Variants in GNAT2 observed in about 807,000 individuals in gnomAD.
GNAT2 encodes the protein guanine nucleotide-binding protein G(t) subunit alpha-2.
A neutral mutation model predicts 40.9 loss-of-function variants in GNAT2; 32 were observed. The observed-to-expected ratio is 0.78, with a 90% CI of 0.59 to 1.05. The LOEUF (loss-of-function observed/expected upper bound fraction) is 1.05. Among genes scored for constraint, GNAT2 ranks in the 50% least tolerant of loss-of-function variants. The probability of loss-of-function intolerance (pLI) is 0.00; values close to 1 mark genes in which losing one functional copy is unlikely to be tolerated. For missense variants in GNAT2, 355 were observed against 431.5 expected, an observed-to-expected ratio of 0.82 and a Z score of 1.57; for synonymous variants, 141 against 157.2, an observed-to-expected ratio of 0.90 and a Z score of 0.77.
chr1:109,615,004 A>G (rs563548075), intron 1 of GNAT2: 3 of 152,360 alleles, frequency 2.0e-5, no homozygotes, highest in African/African-American at 7.2e-5. Context: ...TACTCACAAT[A>G]CTGGTAACTC....
At chr1:109,618,871 G>A (rs1164481878) in intron 1 of GNAT2, among the ~76,000 whole-genome samples, 2 of 152,156 alleles carry the variant, frequency 1.3e-5, no homozygotes, top group Non-Finnish European at 1.5e-5. Context: ...AGAATCCAGC[G>A]TGGGGAGAGA....
intron 4 of GNAT2, 110 bp from the exon 5 acceptor site, chr1:109,608,898 A>G (rs1649705483): frequency 2.4e-6 from 2 of 849,346 alleles, no homozygotes; most frequent in Non-Finnish European, 3.9e-6. Flanking sequence ...AAGACCTAAG[A>G]TGGAAGCAGT....
chr1:109,603,437 C>G lies in GNAT2; in HGVS notation c.982G>C (p.Asp328His), dbSNP rs1649493075. ...AACACAAATTTGACATTCTGTGTAT[C>G]TGTAGCACAGGTCATGTGACTGTAG... The part of the protein sequence containing the change: ...EIYSHMTCAT[D>H]TQNVKFVFDA... The change falls in exon 9 of 9, where the codon GAT becomes CAT. Residue 328 changes from aspartate to histidine, a missense_variant. Physicochemically the swap from Asp to His is moderately conservative, Grantham distance 81. Coordinates refer to ENST00000679935, the MANE Select transcript of GNAT2 (RefSeq NM_001377295.2). 1.3e-6 allele frequency: 2 copies of G among 1,599,022 alleles called. No individual in the cohort carries two copies. Among genetic ancestry groups the G allele is most frequent in the Admixed American group, 1.7e-5 (1 of 59,982 alleles).
At chr1:109,612,730 G>A in intron 2 of GNAT2, 23 bp downstream of exon 2, 1 of 1,384,012 alleles carries the variant, frequency 7.2e-7, no homozygotes, top group African/African-American at 1.4e-5. Context: ...GCCTTCTCTG[G>A]CTCATCTTCC....
rs562449373 is a variant in GNAT2 at position 109,612,886 on chromosome 1, A to C, written c.-16T>G. The C allele has an allele frequency of 2.0e-6, 3 of 1,476,656 alleles. No individual in the cohort carries two copies. The Admixed American group carries it at 5.0e-5, about 25-fold the overall frequency. The allele number at this position is 1,476,656 out of a possible 1,614,324, so 91.5% of individuals were successfully genotyped here. ...CACTTCCCATATTTGCCGTCTTGTCAGCTTTTTCAGGCCCCTAATCCTCTC... is the reference window on the plus strand; with the variant it reads ...CACTTCCCATATTTGCCGTCTTGTCCGCTTTTTCAGGCCCCTAATCCTCTC... On this transcript the variant is annotated 5_prime_UTR_variant, in exon 2 of 9. Transcript: ENST00000679935.
At chr1:109,610,585 G>A in intron 2 of GNAT2, 78 bp from the exon 3 acceptor site, 1 of 1,199,482 alleles carries the variant, frequency 8.3e-7, no homozygotes, top group Non-Finnish European at 1.2e-6. Context: ...GGAGAAGTCA[G>A]AGCCACTGCT....
At chr1:109,611,628 A>AG (rs1649800494) in intron 2 of GNAT2, 1 of 152,056 alleles carries the variant, frequency 6.6e-6, no homozygotes, top group Non-Finnish European at 1.5e-5. Flanking sequence ...CATACCTTCT[A>AG]GTACTGAGTT....
Position 109,612,833 on chromosome 1 carries a change from G to C in GNAT2, c.38C>G (p.Ala13Gly), listed in dbSNP as rs776479555. 1.9e-6 allele frequency: 3 copies of C among 1,613,184 alleles called. No homozygotes were observed. In the African/African-American group the frequency reaches 4.0e-5, roughly 22 times the overall value. ...CTTTTCTAGCTCCTTGGACCTCTTG[G>C]CCAGTTCTTTGTCCTCAGCACTGGC... ...SGASAEDKEL[A>G]KRSKELEKKL... is the part of the protein sequence containing the mutation. Residue 13 changes from alanine (A) to glycine (G), a missense_variant, in exon 2 of 9, where the codon GCC (alanine) becomes GGC (glycine). Coordinates refer to ENST00000679935, the MANE Select transcript of GNAT2 (RefSeq NM_001377295.2).
intron 5 of GNAT2, chr1:109,606,743 G>A (rs975009680): frequency 8.5e-6 from 3 of 353,524 alleles, no homozygotes; most frequent in African/African-American, 6.3e-5. Flanking sequence ...AGATTTAGTG[G>A]GTGCTAAAAG....
In GNAT2 at chr1:109,612,808, C is replaced by T. The variant is rs1179639771; in HGVS notation, c.63G>A (p.Lys21=). The T allele has an allele frequency of 6.2e-7, 1 of 1,613,738 alleles. No homozygotes were observed. The highest frequency in any genetic ancestry group is 8.5e-7 in the Non-Finnish European group (1 of 1,179,642). ...CCTTATCAGCATCCTCCTGCAGCTT[C>T]TTTTCTAGCTCCTTGGACCTCTTGG... ...ELAKRSKELE[K]KLQEDADKEA... Residue 21 remains lysine (K), a synonymous_variant, in exon 2 of 9, where the codon AAG becomes AAA. Coordinates refer to ENST00000679935, the MANE Select transcript of GNAT2 (RefSeq NM_001377295.2).
chr1:109,615,686 A>G (rs1047866171), intron 1 of GNAT2: 1 of 153,582 alleles, frequency 6.5e-6, no homozygotes, highest in African/African-American at 2.4e-5. Context: ...TGGGAGATAG[A>G]GGCATGAGAA....
intron 6 of GNAT2, 22 bp downstream of exon 6, chr1:109,606,286 C>T (rs1012677513): frequency 6.2e-7 from 1 of 1,612,626 alleles, no homozygotes; most frequent in African/African-American, 1.3e-5. Context: ...ATCCGAGATG[C>T]CCTAGGGAAC....
chr1:109,612,801 G>A lies in GNAT2; in HGVS notation c.70C>T (p.Gln24Ter), dbSNP rs1483970857. 1 of 1,612,952 alleles carries A rather than the reference G, an allele frequency of 6.2e-7. No homozygotes were observed. The highest frequency in any genetic ancestry group is 2.2e-5 in the East Asian group (1 of 44,874). ...TTGGCTTCCTTATCAGCATCCTCCT[G>A]CAGCTTCTTTTCTAGCTCCTTGGAC... The part of the protein sequence containing the change: ...KRSKELEKKL[Q>*]EDADKEAKTV... The change falls in exon 2 of 9, where the codon CAG becomes TAG. Residue 24 changes from glutamine (Q) to a stop codon, truncating the protein, a stop_gained. Transcript: ENST00000679935. LOFTEE classifies it high-confidence loss of function.
intron 5 of GNAT2, chr1:109,608,139 A>G: frequency 5.0e-6 from 1 of 200,154 alleles, no homozygotes; most frequent in Non-Finnish European, 1.0e-5. Flanking sequence ...GCATCGTGAC[A>G]TAAGATGCTC....
At chr1:109,607,278 C>T (rs1199943513) in intron 5 of GNAT2, 1 of 151,990 alleles carries the variant, frequency 6.6e-6, no homozygotes, top group Non-Finnish European at 1.5e-5. Flanking sequence ...GGTGAAACCC[C>T]ATCTCTACTA....
chr1:109,609,329 T>A (rs1238937491), intron 4 of GNAT2: 1 of 187,730 alleles, frequency 5.3e-6, no homozygotes, highest in East Asian at 1.3e-4. Flanking sequence ...TTTGTAAATA[T>A]GTGTTATAAA....
At chr1:109,610,376 G>A in intron 3 of GNAT2, 89 bp downstream of exon 3, 1 of 1,359,456 alleles carries the variant, frequency 7.4e-7, no homozygotes, top group Non-Finnish European at 1.1e-6. Context: ...GGCTCCTTGA[G>A]GCTAAAGAGC....
intron 7 of GNAT2, chr1:109,605,555 A>G (rs951277426): frequency 4.8e-5 from 15 of 313,344 alleles, no homozygotes; most frequent in Non-Finnish European, 7.5e-5. Context: ...CCCTTCTATT[A>G]TGTTGCAATG....
At chr1:109,608,571 GAGA>G in intron 5 of GNAT2, 57 bp downstream of exon 5, 1 of 1,540,270 alleles carries the variant, frequency 6.5e-7, no homozygotes, top group Non-Finnish European at 9.0e-7. Flanking sequence ...CCCAACCAGA[GAGA>G]AGACTGGCTA....
Sources: gnomAD v4.1 joint callset for allele counts (sites outside exome capture counted in the v4.1 genomes callset) on GRCh38, gnomAD v4.1.1 for gene constraint, MANE v1.5 for transcripts, NCBI Gene and HGNC (gene_info 2026-07-23, HGNC 2026-07-21) for gene names.